The following GPATCH2 variants were observed in gnomAD, a reference collection of about 807,000 sequenced individuals.
GPATCH2 encodes the protein G patch domain-containing protein 2.
GPATCH2 carries 51 observed loss-of-function variants against 58.0 expected under a neutral mutation model. That is an observed-to-expected ratio of 0.88 (90% CI 0.70 to 1.11). The LOEUF is 1.11. GPATCH2 is among the 50% of genes most tolerant of loss of function. The pLI is 0.00. For missense variants in GPATCH2, 625 were observed against 652.2 expected (o/e 0.96, Z 0.45); for synonymous variants, 222 against 218.5 (o/e 1.02, Z -0.14).
In GPATCH2 at chr1:217,468,288, CA is replaced by C. The variant is rs1257291099; in HGVS notation, c.1278-18952del. 3.3e-5 allele frequency among the ~76,000 whole-genome samples: 5 copies of C among 152,180 alleles called. No homozygotes were observed. In the East Asian group the frequency reaches 9.6e-4, roughly 29 times the overall value. On this transcript the variant is annotated intron_variant, in intron 8 of 9. Coordinates refer to ENST00000366935, the MANE Select transcript of GPATCH2 (RefSeq NM_018040.5). ...GAAAGAGATATAAGTGAGGGAAGTA[CA>C]CAATATCACCTTTGGAACAATCTTG... is the stretch of plus-strand genomic sequence containing the variant.
chr1:217,506,602 T>A (rs1279542339), intron 6 of GPATCH2, among the ~76,000 whole-genome samples: 1 of 152,168 alleles, frequency 6.6e-6, no homozygotes, highest in Non-Finnish European at 1.5e-5. Context: ...AGTTCATTCA[T>A]ACCAAGGGAA....
At chr1:217,609,230 C>T (rs1479671172) in intron 5 of GPATCH2, 1 of 983,624 alleles carries the variant, frequency 1.0e-6, no homozygotes, top group East Asian at 1.1e-4. Flanking sequence ...TGAAAATGAG[C>T]TCATGCAAGT....
chr1:217,610,073 G>C, intron 5 of GPATCH2: 1 of 1,502,782 alleles, frequency 6.7e-7, no homozygotes, highest in Non-Finnish European at 8.9e-7. Flanking sequence ...TATTCCTCCA[G>C]GGAAGAGGAC....
At chr1:217,584,729 A>G (rs530244137) in intron 5 of GPATCH2, among the ~76,000 whole-genome samples, 1 of 152,222 alleles carries the variant, frequency 6.6e-6, no homozygotes, top group South Asian at 2.1e-4. Context: ...AAAAGAAAAG[A>G]GAGCAACAAG....
intron 5 of GPATCH2, among the ~76,000 whole-genome samples, chr1:217,515,960 T>C (rs554947922): frequency 1.3e-5 from 2 of 152,100 alleles, no homozygotes; most frequent in Non-Finnish European, 2.9e-5. Context: ...TTTTCATAGT[T>C]TCCCCGAAAA....
At chr1:217,442,141 A>G (rs944567934) in intron 9 of GPATCH2, among the ~76,000 whole-genome samples, 10 of 152,224 alleles carry the variant, frequency 6.6e-5, no homozygotes, top group Non-Finnish European at 1.3e-4. Flanking sequence ...GCACATATGC[A>G]CCATGGAATA....
chr1:217,474,877 C>T (rs1399783840), intron 8 of GPATCH2, among the ~76,000 whole-genome samples: 1 of 151,792 alleles, frequency 6.6e-6, no homozygotes, highest in African/African-American at 2.4e-5. Context: ...TAAGAAAAGT[C>T]AAGATACTAT....
At chr1:217,499,193 C>T (rs1447993318) in intron 6 of GPATCH2, among the ~76,000 whole-genome samples, 1 of 152,088 alleles carries the variant, frequency 6.6e-6, no homozygotes, top group Non-Finnish European at 1.5e-5. Flanking sequence ...TCACTAAAGG[C>T]CCACGATCAC....
intron 5 of GPATCH2, among the ~76,000 whole-genome samples, chr1:217,536,316 A>G (rs1571879224): frequency 1.3e-5 from 2 of 152,330 alleles, no homozygotes; most frequent in Admixed American, 1.3e-4. Context: ...TGTAAGGATT[A>G]AAAAGAGAAA....
intron 9 of GPATCH2, among the ~76,000 whole-genome samples, chr1:217,442,195 C>T (rs1335123068): frequency 3.3e-5 from 5 of 152,104 alleles, no homozygotes; most frequent in African/African-American, 4.8e-5. Context: ...TTTGCAGGGA[C>T]TTGAATGGAG....
chr1:217,590,021 C>T (rs1463458815), intron 5 of GPATCH2, among the ~76,000 whole-genome samples: 3 of 149,236 alleles, frequency 2.0e-5, no homozygotes, highest in South Asian at 2.1e-4. Flanking sequence ...GTCTGTACAA[C>T]GTCTTTTTTT....
chr1:217,584,344 A>AAAAAAAAAAAAAAAAAAATATATATATAT (rs1463910405), intron 5 of GPATCH2, among the ~76,000 whole-genome samples: 1 of 101,856 alleles, frequency 9.8e-6, no homozygotes, highest in African/African-American at 3.4e-5. Context: ...AAAAAAAAAA[A>AAAAAAAAAAAAAAAAAAATATATATATAT]ATATATATAT....
chr1:217,484,677 A>G (rs1375621799), intron 8 of GPATCH2, among the ~76,000 whole-genome samples: 2 of 150,136 alleles, frequency 1.3e-5, no homozygotes, highest in African/African-American at 4.9e-5. Flanking sequence ...ATACACGTGT[A>G]TACACATATG....
intron 5 of GPATCH2, among the ~76,000 whole-genome samples, chr1:217,571,719 A>AAAAAAAAAAAAAAAAAAT (rs1666556984): frequency 6.8e-6 from 1 of 147,452 alleles, no homozygotes; most frequent in African/African-American, 2.5e-5. Context: ...AAAAAAAAAA[A>AAAAAAAAAAAAAAAAAAT]ACAAAAAAGA....
At chr1:217,484,034 C>A (rs991216147) in intron 8 of GPATCH2, among the ~76,000 whole-genome samples, 1 of 152,122 alleles carries the variant, frequency 6.6e-6, no homozygotes, top group African/African-American at 2.4e-5. Context: ...TCAAAGCAAT[C>A]TTTGCTGAAG....
intron 8 of GPATCH2, among the ~76,000 whole-genome samples, chr1:217,459,126 T>A (rs899948138): frequency 2.0e-5 from 3 of 152,198 alleles, no homozygotes; most frequent in Non-Finnish European, 4.4e-5. Flanking sequence ...TAATAACACT[T>A]CTTTCTTGAA....
intron 1 of GPATCH2, 114 bp downstream of exon 1, chr1:217,630,802 G>T: frequency 1.4e-6 from 1 of 737,044 alleles, no homozygotes; most frequent in Non-Finnish European, 2.3e-6. Flanking sequence ...AGGCCTAGAT[G>T]TCTTCAGATC....
At chr1:217,463,266 C>T (rs28758695) in intron 8 of GPATCH2, among the ~76,000 whole-genome samples, 19,821 of 152,030 alleles carry the variant, frequency 0.13, 2,881 homozygotes, top group African/African-American at 0.36. Context: ...GAACACAGCA[C>T]ACCAAATCAT....
chr1:217,580,092 T>C (rs1666993853), intron 5 of GPATCH2, among the ~76,000 whole-genome samples: 1 of 152,182 alleles, frequency 6.6e-6, no homozygotes, highest in African/African-American at 2.4e-5. Context: ...ATCAAATAAT[T>C]CGTTTCACTT....
Sources: allele counts gnomAD v4.1 joint callset (sites outside exome capture counted in the v4.1 genomes callset), GRCh38; gene constraint gnomAD v4.1.1; transcripts MANE v1.5; gene names NCBI Gene and HGNC (gene_info 2026-07-23, HGNC 2026-07-21).